Variants in LIPJ observed in about 807,000 individuals in gnomAD.
The protein encoded by LIPJ is lipase family member J, also known as lipase member J.
LIPJ carries 33 observed loss-of-function variants against 39.8 expected under a neutral mutation model. The observed-to-expected ratio is 0.83, with a 90% CI of 0.63 to 1.11. The LOEUF (loss-of-function observed/expected upper bound fraction) is 1.11. Among genes scored for constraint, LIPJ ranks in the 50% least tolerant of loss-of-function variants. The probability of loss-of-function intolerance (pLI) is 0.00; values close to 1 mark genes in which losing one functional copy is unlikely to be tolerated. For synonymous variants in LIPJ, 128 were observed against 139.2 expected (o/e 0.92, Z 0.57); for missense variants, 422 against 427.9 (o/e 0.99, Z 0.12).
the LIPJ span, among the ~76,000 whole-genome samples, chr10:88,621,444 A>G: frequency 6.6e-6 from 1 of 152,184 alleles, no homozygotes; most frequent in South Asian, 2.1e-4. Context: ...CCATTTATAT[A>G]ACATTCTGGA....
At chr10:88,622,706 G>T in the LIPJ span, among the ~76,000 whole-genome samples, 3 of 152,268 alleles carry the variant, frequency 2.0e-5, no homozygotes, top group East Asian at 5.8e-4. Flanking sequence ...TGAAATCAGA[G>T]AGGGAACTAG....
downstream of LIPJ, among the ~76,000 whole-genome samples, chr10:88,610,951 A>G (rs930085207): frequency 2.2e-4 from 34 of 152,254 alleles, no homozygotes; most frequent in African/African-American, 8.2e-4. Context: ...TTCTAACTTC[A>G]GGCTAGGCAA....
exon 11 of LIPJ, chr10:88,606,734 A>G (rs2134589541): frequency 6.2e-7 from 1 of 1,613,568 alleles, no homozygotes; most frequent in Non-Finnish European, 8.5e-7. Flanking sequence ...TTGGAATGGT[A>G]AAAGTGACTT....
the LIPJ span, among the ~76,000 whole-genome samples, chr10:88,614,601 T>C: frequency 7.4e-4 from 112 of 152,256 alleles, no homozygotes; most frequent in African/African-American, 2.6e-3. Flanking sequence ...GATTGAAGAC[T>C]TGGTATTGTT....
chr10:88,613,800 A>ATATATATATGTGTGTGTGTGTG, the LIPJ span, among the ~76,000 whole-genome samples: 6 of 74,168 alleles, frequency 8.1e-5, no homozygotes, highest in African/African-American at 2.9e-4. Context: ...ATATATATAT[A>ATATATATATGTGTGTGTGTGTG]TGTGTGTGTG....
At chr10:88,595,059 G>C (rs1355753418) in intron 6 of LIPJ, among the ~76,000 whole-genome samples, 3 of 151,780 alleles carry the variant, frequency 2.0e-5, no homozygotes, top group Non-Finnish European at 4.4e-5. Flanking sequence ...ATCAAAGTGA[G>C]ATTGCCACTA....
At chr10:88,603,825 A>C (rs1851574472) in intron 9 of LIPJ, among the ~76,000 whole-genome samples, 1 of 152,226 alleles carries the variant, frequency 6.6e-6, no homozygotes, top group African/African-American at 2.4e-5. Flanking sequence ...ATTTGATATA[A>C]ATTATTGAAA....
At chr10:88,609,230 A>C (rs1564942005), downstream of LIPJ, among the ~76,000 whole-genome samples, 2 of 152,238 alleles carry the variant, frequency 1.3e-5, no homozygotes, top group Non-Finnish European at 2.9e-5. Flanking sequence ...TGTATAGGTT[A>C]TTATGAATGC....
At chr10:88,604,999 C>A (rs566940677) in intron 9 of LIPJ, among the ~76,000 whole-genome samples, 6 of 152,066 alleles carry the variant, frequency 3.9e-5, no homozygotes, top group African/African-American at 1.4e-4. Context: ...TGAAAAGGAA[C>A]AAAGTAAAAA....
At chr10:88,600,884 T>C (rs1164409696) in intron 8 of LIPJ, among the ~76,000 whole-genome samples, 2 of 152,188 alleles carry the variant, frequency 1.3e-5, no homozygotes, top group Non-Finnish European at 2.9e-5. Context: ...GTGAAGGGCA[T>C]AGGGCAAAGA....
At chr10:88,608,469 G>C (rs1015835748), downstream of LIPJ, among the ~76,000 whole-genome samples, 1 of 152,186 alleles carries the variant, frequency 6.6e-6, no homozygotes, top group African/African-American at 2.4e-5. Flanking sequence ...TGCCACAGGG[G>C]AAGATAAACT....
At chr10:88,587,478 C>T (rs1004395569) in intron 2 of LIPJ, 86 bp downstream of exon 2, 1 of 152,018 alleles carries the variant, frequency 6.6e-6, no homozygotes, top group East Asian at 1.9e-4. Context: ...AAACATAATT[C>T]TCAAGTCATC....
chr10:88,604,292 T>C (rs1851590876), intron 9 of LIPJ, among the ~76,000 whole-genome samples: 1 of 152,186 alleles, frequency 6.6e-6, no homozygotes. Context: ...TGCATGTCAT[T>C]GTAAGGACTT....
chr10:88,594,177 TAA>T lies in LIPJ; in HGVS notation c.329+34_329+35del, dbSNP rs996648590. 3 of 1,528,024 alleles carry T rather than the reference TAA, an allele frequency of 2.0e-6. No homozygotes were observed. The African/African-American group carries it at 4.2e-5, about 21-fold the overall frequency. 94.7% of individuals were successfully genotyped at this position (1,528,024 alleles called of 1,614,324 possible). On this transcript the variant is annotated intron_variant, in intron 5 of 10. Transcript: ENST00000371939. ...TAAAATGAAGTAACATTTCATTTTA[TAA>T]GTGTATACAAATTTTTCATTTTGAA...
chr10:88,596,697 T>C (rs1210772089), intron 7 of LIPJ, 93 bp from the exon 8 acceptor site: 1 of 1,160,188 alleles, frequency 8.6e-7, no homozygotes, highest in Non-Finnish European at 1.2e-6. Flanking sequence ...TGTGAGATAA[T>C]TTATTTGGTT....
At chr10:88,617,777 G>C in the LIPJ span, among the ~76,000 whole-genome samples, 5 of 152,188 alleles carry the variant, frequency 3.3e-5, no homozygotes, top group Non-Finnish European at 5.9e-5. Flanking sequence ...GTGTCAGAAA[G>C]GAGTGAGGGG....
intron 2 of LIPJ, among the ~76,000 whole-genome samples, chr10:88,589,311 C>T (rs1851007727): frequency 6.6e-6 from 1 of 151,804 alleles, no homozygotes; most frequent in African/African-American, 2.4e-5. Flanking sequence ...GACTTGCTGC[C>T]TGCTGAGCAC....
chr10:88,588,371 A>T (rs1850977282), intron 2 of LIPJ, among the ~76,000 whole-genome samples: 1 of 151,906 alleles, frequency 6.6e-6, no homozygotes. Context: ...AAATTTATTA[A>T]TATCAACTAT....
downstream of LIPJ, among the ~76,000 whole-genome samples, chr10:88,609,081 A>G (rs1203363530): frequency 6.6e-6 from 1 of 152,136 alleles, no homozygotes. Context: ...GTTTTCAATA[A>G]ATCTCTGCTT....
Sources: allele counts gnomAD v4.1 joint callset (sites outside exome capture counted in the v4.1 genomes callset), GRCh38; gene constraint gnomAD v4.1.1; transcripts MANE v1.5; gene names NCBI Gene and HGNC (gene_info 2026-07-23, HGNC 2026-07-21).